CSF2RB: variants seen among roughly 807,000 people sequenced by gnomAD.
CSF2RB encodes the protein cytokine receptor common subunit beta.
A neutral mutation model predicts 67.2 loss-of-function variants in CSF2RB; 22 were observed. The ratio of observed to expected loss-of-function variants is 0.33; its 90% CI spans 0.23 to 0.47. The LOEUF (loss-of-function observed/expected upper bound fraction) is 0.47, where lower values mean the gene tolerates loss of function less well. Among genes scored for constraint, CSF2RB ranks in the 20% least tolerant of loss-of-function variants. The pLI is 1.00. For missense variants in CSF2RB, 1,113 were observed against 1,174.5 expected, an observed-to-expected ratio of 0.95 and a Z score of 0.76; for synonymous variants, 507 against 482.9, an observed-to-expected ratio of 1.05 and a Z score of -0.65.
chr22:36,929,767 C>T lies in CSF2RB; in HGVS notation c.678C>T (p.Pro226=), dbSNP rs747650265. Residue 226 remains proline, a synonymous_variant, in exon 6 of 14, where the codon CCC becomes CCT. Coordinates refer to ENST00000403662, the MANE Select transcript of CSF2RB (RefSeq NM_000395.3). Reference sequence around the variant, plus strand: ...CAGGTTCTCGGCTCTCAGGACGTCCCAGCAAGTGGAGCCCAGAGGTTTGCT... The same window carrying T: ...CAGGTTCTCGGCTCTCAGGACGTCCTAGCAAGTGGAGCCCAGAGGTTTGCT... ...LAPGSRLSGR[P]SKWSPEVCWD... The T allele has an allele frequency of 1.9e-6, 3 of 1,613,962 alleles. No individual in the cohort carries two copies. Among genetic ancestry groups the T allele is most frequent in the African/African-American group, 2.7e-5 (2 of 74,938 alleles).
In CSF2RB at chr22:36,923,228, C is replaced by T. The variant is rs777250876; in HGVS notation, c.77-16C>T. 1.9e-6 allele frequency: 3 copies of T among 1,614,178 alleles called. No individual in the cohort carries two copies. Among genetic ancestry groups the T allele is most frequent in the Non-Finnish European group, 2.5e-6 (3 of 1,180,018 alleles). ...TGCAGGAAAGAGAGGTGACCCCCTT[C>T]TACCCCTCTTGTCAGAAACCATCCC... On this transcript the variant is annotated splice_polypyrimidine_tract_variant and intron_variant, in intron 2 of 13. Transcript: ENST00000403662.
chr22:36,929,313 A>G (rs950279218), intron 4 of CSF2RB, 89 bp from the exon 5 acceptor site: 1 of 1,575,406 alleles, frequency 6.3e-7, no homozygotes, highest in African/African-American at 1.4e-5. Context: ...GTGGCCTGGA[A>G]CCCCCTGTGT....
rs759031989 is a variant in CSF2RB at position 36,938,268 on chromosome 22, C to T, written c.2460C>T (p.Gly820=). The change falls in exon 14 of 14, where the codon GGC becomes GGT. Residue 820 remains glycine, a synonymous_variant. Coordinates refer to ENST00000403662, the MANE Select transcript of CSF2RB (RefSeq NM_000395.3). The part of the protein sequence containing the change: ...PEGLLVLQQV[G]DYCFLPGLGP... The stretch of plus-strand genomic sequence containing the variant: ...GCCTCCTTGTCCTGCAGCAAGTGGG[C>T]GACTATTGCTTCCTCCCCGGCCTGG... 1.9e-5 allele frequency: 30 copies of T among 1,614,064 alleles called. No individual in the cohort carries two copies. Among genetic ancestry groups the T allele is most frequent in the South Asian group, 4.4e-5 (4 of 91,084 alleles).
At chr22:36,933,028 G>T in intron 9 of CSF2RB, 124 bp downstream of exon 9, 1 of 1,155,428 alleles carries the variant, frequency 8.7e-7, no homozygotes, top group Non-Finnish European at 1.2e-6. Flanking sequence ...GGTAGCCACT[G>T]GGACGTGGTG....
chr22:36,914,397 C>T (rs1940671019), intron 1 of CSF2RB, among the ~76,000 whole-genome samples: 1 of 151,730 alleles, frequency 6.6e-6, no homozygotes, highest in Non-Finnish European at 1.5e-5. Flanking sequence ...CAATCTCTCT[C>T]TCTCTCTCTC....
At chr22:36,927,925 T>C (rs1941059035) in intron 4 of CSF2RB, among the ~76,000 whole-genome samples, 1 of 152,316 alleles carries the variant, frequency 6.6e-6, no homozygotes, top group South Asian at 2.1e-4. Context: ...CCTTCTTTCC[T>C]TGAGCGCCTA....
chr22:36,923,366 G>A lies in CSF2RB; in HGVS notation c.199G>A (p.Glu67Lys), dbSNP rs2145785628. ...VNVTLIRRVN[E>K]DLLEPVSCDL... Reference sequence around the variant, plus strand: ...CGTGACCCTCATTCGCCGGGTGAATGAGTGAGTGATGCTGGGGGCAGGGGC... The same window carrying A: ...CGTGACCCTCATTCGCCGGGTGAATAAGTGAGTGATGCTGGGGGCAGGGGC... Residue 67 changes from glutamate to lysine, a missense_variant and splice_region_variant, in exon 3 of 14, where the codon GAG (glutamate) becomes AAG (lysine). By Grantham distance (56) the Glu-to-Lys change is moderately conservative. Transcript: ENST00000403662. The A allele has an allele frequency of 1.2e-6, 2 of 1,613,732 alleles. No homozygotes were observed. The highest frequency in any genetic ancestry group is 4.5e-5 in the East Asian group (2 of 44,846).
Position 36,923,289 on chromosome 22 carries a change from G to A in CSF2RB, c.122G>A (p.Ser41Asn). ...QTLRCYNDYTSHITCRWADTQ... is the reference protein window; with the variant it reads ...QTLRCYNDYTNHITCRWADTQ... ...CTGCGCTGCTACAACGACTACACCA[G>A]CCACATCACCTGCAGGTGGGCAGAC... The change falls in exon 3 of 14, where the codon AGC (serine) becomes AAC (asparagine). Residue 41 changes from serine (S) to asparagine (N), a missense_variant. By Grantham distance (46) the Ser-to-Asn change is conservative. Around this residue, in one of 2 missense-constraint regions of CSF2RB, gnomAD observed 559 missense variants for 656.5 expected, o/e 0.85. Transcript: ENST00000403662. The A allele has an allele frequency of 6.2e-7, 1 of 1,614,200 alleles. No individual in the cohort carries two copies. The highest frequency in any genetic ancestry group is 8.5e-7 in the Non-Finnish European group (1 of 1,180,032).
At chr22:36,930,212 G>A (rs1941118310) in intron 6 of CSF2RB, among the ~76,000 whole-genome samples, 163 bp from the exon 7 acceptor site, 2 of 151,250 alleles carry the variant, frequency 1.3e-5, no homozygotes, top group Non-Finnish European at 2.9e-5. Context: ...CTCTCTCTCG[G>A]AGCTGTTGGA....
rs1490385828 is a variant in CSF2RB, at chr22:36,940,362, A to T, written c.*1860A>T. On this transcript the variant is annotated 3_prime_UTR_variant, in exon 14 of 14. Coordinates refer to ENST00000403662, the MANE Select transcript of CSF2RB (RefSeq NM_000395.3). ...AGATGAACCAATGTGGATTAGAAAG[A>T]AGTCCGAGATATTAATTCCAAAATA... The T allele has an allele frequency of 6.6e-6, 1 of 152,374 alleles. No individual in the cohort carries two copies. The highest frequency in any genetic ancestry group is 1.9e-4 in the East Asian group (1 of 5,188). 9.4% of individuals were successfully genotyped at this position (152,374 alleles called of 1,614,324 possible). A position where few individuals can be genotyped will look rare whatever the true frequency, so the allele number is the denominator to read the frequency against.
intron 6 of CSF2RB, among the ~76,000 whole-genome samples, chr22:36,930,013 T>C (rs1026424728): frequency 6.6e-6 from 1 of 152,196 alleles, no homozygotes; most frequent in Non-Finnish European, 1.5e-5. Flanking sequence ...GGTTTCCAGT[T>C]TTCTGCACGT....
chr22:36,938,888 T>C lies in CSF2RB; in HGVS notation c.*386T>C. ...ATGAGAGTGGGGCTGAGGTCTGAGCTGAGCCTTATCAGACTGAGATGCGGC... is the reference window on the plus strand; with the variant it reads ...ATGAGAGTGGGGCTGAGGTCTGAGCCGAGCCTTATCAGACTGAGATGCGGC... On this transcript the variant is annotated 3_prime_UTR_variant, in exon 14 of 14. Transcript: ENST00000403662. 2 of 578,144 alleles carry C rather than the reference T, an allele frequency of 3.5e-6. No homozygotes were observed. 35.8% of individuals were successfully genotyped at this position (578,144 alleles called of 1,614,324 possible).
chr22:36,929,651 C>T lies in CSF2RB; in HGVS notation c.562C>T (p.Leu188Phe). The change falls in exon 6 of 14, where the codon CTC (leucine) becomes TTC (phenylalanine). Residue 188 changes from leucine (L) to phenylalanine (F), a missense_variant. Coordinates refer to ENST00000403662, the MANE Select transcript of CSF2RB (RefSeq NM_000395.3). ...LQDSWEDAAI[L>F]LSNTSQATLG... is the part of the protein sequence containing the mutation. ...TGTCTCCTGACAGGACGCAGCCATC[C>T]TCCTCTCCAACACCTCCCAGGCCAC... The T allele has an allele frequency of 6.2e-7, 1 of 1,614,246 alleles. No individual in the cohort carries two copies. The highest frequency in any genetic ancestry group is 8.5e-7 in the Non-Finnish European group (1 of 1,180,040).
rs145510882 is a variant in CSF2RB, at chr22:36,939,701, CTT to C, written c.*1203_*1204del. The stretch of plus-strand genomic sequence containing the variant: ...GGGTGCTATCATTTTCTGATTAAGT[CTT>C]TTTGACTATTGACATACAGTCTTTC... On this transcript the variant is annotated 3_prime_UTR_variant, in exon 14 of 14. Coordinates refer to ENST00000403662, the MANE Select transcript of CSF2RB (RefSeq NM_000395.3). 3.3e-3 allele frequency: 559 copies of C among 169,952 alleles called. 3 individuals are homozygous for C. Among genetic ancestry groups the C allele is most frequent in the African/African-American group, 0.012 (509 of 42,108 alleles). 10.5% of individuals were successfully genotyped at this position (169,952 alleles called of 1,614,324 possible).
At chr22:36,918,606 T>C (rs1190930528) in intron 1 of CSF2RB, among the ~76,000 whole-genome samples, 1 of 152,164 alleles carries the variant, frequency 6.6e-6, no homozygotes, top group African/African-American at 2.4e-5. Context: ...CTTTGAAAAA[T>C]ATTTTAAAAA....
chr22:36,921,887 C>T (rs1940880179), intron 1 of CSF2RB, 149 bp from the exon 2 acceptor site: 1 of 467,112 alleles, frequency 2.1e-6, no homozygotes, highest in Non-Finnish European at 4.0e-6. Flanking sequence ...CCTCAGGCCA[C>T]ACAGCGCATG....
intron 12 of CSF2RB, 52 bp from the exon 13 acceptor site, chr22:36,936,497 C>A: frequency 6.5e-7 from 1 of 1,535,966 alleles, no homozygotes; most frequent in Non-Finnish European, 9.0e-7. Context: ...CTGCCTTGCC[C>A]CCACCTCGGA....
intron 12 of CSF2RB, 52 bp downstream of exon 12, chr22:36,935,739 C>T (rs896783206): frequency 1.3e-6 from 2 of 1,571,280 alleles, no homozygotes; most frequent in Admixed American, 1.8e-5. Context: ...TCCTGCCTCT[C>T]TTGTCTCTGT....
chr22:36,940,169 T>C lies in CSF2RB; in HGVS notation c.*1667T>C, dbSNP rs1219451041. 6.6e-6 allele frequency: 1 copy of C among 152,262 alleles called. No individual in the cohort carries two copies. The highest frequency in any genetic ancestry group is 2.4e-5 in the African/African-American group (1 of 41,470). 9.4% of individuals were successfully genotyped at this position (152,262 alleles called of 1,614,324 possible). On this transcript the variant is annotated 3_prime_UTR_variant, in exon 14 of 14. Transcript: ENST00000403662. ...GTTCTACTTTTATGATATGTTTTCA[T>C]AAGTGGTTAAGCAAGTATTCTCGTT...
Sources: gnomAD v4.1 joint callset for allele counts (sites outside exome capture counted in the v4.1 genomes callset) on GRCh38, gnomAD v4.1.1 for gene constraint, gnomAD v4.1.1 regional missense constraint, MANE v1.5 for transcripts, NCBI Gene and HGNC (gene_info 2026-07-23, HGNC 2026-07-21) for gene names.